Variants in CCDC30 observed in about 807,000 individuals in gnomAD.
CCDC30 encodes coiled-coil domain containing 30.
A neutral mutation model predicts 100.2 loss-of-function variants in CCDC30; 70 were observed. The ratio of observed to expected loss-of-function variants is 0.70; its 90% CI spans 0.58 to 0.85. The LOEUF is 0.85. Ranked by LOEUF, CCDC30 falls within the 40% of genes least tolerant of loss-of-function variation. CCDC30 has a pLI of 0.00. For missense variants in CCDC30, 652 were observed against 771.2 expected (o/e 0.85, Z 1.83); for synonymous variants, 233 against 269.5 (o/e 0.86, Z 1.33).
At chr1:42,457,079 T>C in the CCDC30 span, 1 of 1,590,572 alleles carries the variant, frequency 6.3e-7, no homozygotes, top group African/African-American at 1.3e-5. Flanking sequence ...GCTAGGTGCG[T>C]GCCCTAGGAG....
chr1:42,495,189 A>G (rs1450323335), intron 4 of CCDC30, among the ~76,000 whole-genome samples: 1 of 151,442 alleles, frequency 6.6e-6, no homozygotes, highest in Non-Finnish European at 1.5e-5. Context: ...AAAAATGATG[A>G]GTTCATGTCC....
In CCDC30 at chr1:42,545,425, C is replaced by A. The variant is rs373656178; in HGVS notation, c.457-20871C>A. 12 of 1,572,166 alleles carry A rather than the reference C, an allele frequency of 7.6e-6. No individual in the cohort carries two copies. The African/African-American group carries it at 1.3e-4, about 16-fold the overall frequency. On this transcript the variant is annotated intron_variant, in intron 6 of 16. Transcript: ENST00000668663. ...AATTTTGCAGGTCTTGAAGCTTTCACAAGAATTTGCACAATTAAATCATTT... is the reference window on the plus strand; with the variant it reads ...AATTTTGCAGGTCTTGAAGCTTTCAAAAGAATTTGCACAATTAAATCATTT...
intron 6 of CCDC30, among the ~76,000 whole-genome samples, chr1:42,503,597 T>C (rs1644352789): frequency 6.6e-6 from 1 of 152,260 alleles, no homozygotes; most frequent in Non-Finnish European, 1.5e-5. Context: ...AAGATGGAGC[T>C]GCCATTTTGA....
chr1:42,510,613 C>T (rs111624607), intron 6 of CCDC30, among the ~76,000 whole-genome samples: 2,185 of 150,960 alleles, frequency 0.014, 47 homozygotes, highest in African/African-American at 0.049. Context: ...GGTGAGATCG[C>T]GCCACTGCAC....
chr1:42,605,074 T>C (rs561979801), intron 10 of CCDC30, among the ~76,000 whole-genome samples: 99 of 152,304 alleles, frequency 6.5e-4, no homozygotes, highest in Admixed American at 2.2e-3. Context: ...TTTGATTGTA[T>C]CTCTGGCCCA....
intron 6 of CCDC30, among the ~76,000 whole-genome samples, chr1:42,504,640 G>A (rs1479116903): frequency 2.0e-5 from 3 of 152,200 alleles, no homozygotes; most frequent in Non-Finnish European, 2.9e-5. Context: ...AATAATGTTA[G>A]TATAAAAGGA....
chr1:42,500,265 C>G, intron 6 of CCDC30: 1 of 1,610,600 alleles, frequency 6.2e-7, no homozygotes, highest in African/African-American at 1.3e-5. Flanking sequence ...GTGGATTTTT[C>G]TCTTGCGTCT....
chr1:42,575,967 T>C (rs951283883), intron 7 of CCDC30, among the ~76,000 whole-genome samples: 5 of 152,092 alleles, frequency 3.3e-5, no homozygotes, highest in Non-Finnish European at 7.4e-5. Context: ...AAACTCTTAA[T>C]ACCAACCAGT....
rs113290218 is a variant in CCDC30, at chr1:42,506,342, T to C, written c.456+7426T>C. Among the ~76,000 whole-genome samples, 922 of 152,194 alleles carry C rather than the reference T, an allele frequency of 6.1e-3. 6 individuals are homozygous for C. The highest frequency in any genetic ancestry group is 0.021 in the African/African-American group (860 of 41,560). ...TTAGAAACCTGCATTTGAGAACACC[T>C]GTAAAAGTCCTATAGCTTGATTATA... On this transcript the variant is annotated intron_variant, in intron 6 of 16. Transcript: ENST00000668663.
intron 10 of CCDC30, among the ~76,000 whole-genome samples, chr1:42,609,461 T>TG (rs1488941857): frequency 2.6e-5 from 4 of 152,094 alleles, no homozygotes; most frequent in African/African-American, 7.2e-5. Flanking sequence ...TTCAACTGTG[T>TG]GGGGGGTCAG....
At chr1:42,459,663 G>A (rs766049388), upstream of CCDC30, 27 of 1,614,150 alleles carry the variant, frequency 1.7e-5, no homozygotes, top group Non-Finnish European at 2.3e-5. Context: ...GGCTCCCAAA[G>A]CATTTATAAT....
Position 42,596,864 on chromosome 1 carries a change from T to G in CCDC30, c.1164+7381T>G, listed in dbSNP as rs1327455973. 6.6e-6 allele frequency among the ~76,000 whole-genome samples: 1 copy of G among 152,128 alleles called. No individual in the cohort carries two copies. The highest frequency in any genetic ancestry group is 2.4e-5 in the African/African-American group (1 of 41,412). On this transcript the variant is annotated intron_variant, in intron 10 of 16. Transcript: ENST00000668663. This position sits in a 1 kb window ranked among gnomAD's most constrained non-coding sequence, Gnocchi z 4.3. ...TTGAAAATAACTGTGATTAATGTGC[T>G]AAGGGCTCTAAGGAATAAAGTAGAC...
At chr1:42,478,402 C>G (rs141744570) in intron 1 of CCDC30, among the ~76,000 whole-genome samples, 156 of 152,236 alleles carry the variant, frequency 1.0e-3, no homozygotes, top group African/African-American at 3.5e-3. Flanking sequence ...TTGGATGACT[C>G]TAATACCAAC....
At chr1:42,653,538 T>G in intron 16 of CCDC30, 95 bp downstream of exon 20, 1 of 820,282 alleles carries the variant, frequency 1.2e-6, no homozygotes, top group Non-Finnish European at 2.0e-6. Flanking sequence ...CCTGGATTGC[T>G]GGCTTGAGAA....
intron 6 of CCDC30, among the ~76,000 whole-genome samples, chr1:42,541,972 T>C (rs1268608408): frequency 6.6e-6 from 1 of 152,220 alleles, no homozygotes; most frequent in Non-Finnish European, 1.5e-5. Context: ...CCAGGGATAT[T>C]AGACTGCTGC....
chr1:42,496,014 C>T (rs908480978), intron 4 of CCDC30, among the ~76,000 whole-genome samples: 1 of 151,976 alleles, frequency 6.6e-6, no homozygotes, highest in African/African-American at 2.4e-5. Context: ...GACATGGAGC[C>T]AAGTGTGCAC....
Position 42,468,036 on chromosome 1 carries a change from T to C in CCDC30, c.-92+4138T>C, listed in dbSNP as rs1054318508. Among the ~76,000 whole-genome samples, 10 of 152,364 alleles carry C rather than the reference T, an allele frequency of 6.6e-5. No homozygotes were observed. The East Asian group carries it at 1.2e-3, about 18-fold the overall frequency. On this transcript the variant is annotated intron_variant, in intron 1 of 16. Coordinates refer to ENST00000668663, the Ensembl canonical transcript of CCDC30. Reference sequence around the variant, plus strand: ...CTCATGGGTCAGGAGAGACTGTTAATGGCTGTGTAGTTCTGTATCCAATTC... The same window carrying C: ...CTCATGGGTCAGGAGAGACTGTTAACGGCTGTGTAGTTCTGTATCCAATTC...
intron 6 of CCDC30, among the ~76,000 whole-genome samples, chr1:42,550,009 G>A (rs1256984845): frequency 1.3e-5 from 2 of 152,104 alleles, no homozygotes; most frequent in Non-Finnish European, 2.9e-5. Flanking sequence ...TTGACTTTCT[G>A]TCTCCTTCAC....
At chr1:42,586,385 C>T (rs1352161932) in intron 9 of CCDC30, among the ~76,000 whole-genome samples, 1 of 152,284 alleles carries the variant, frequency 6.6e-6, no homozygotes, top group South Asian at 2.1e-4. Flanking sequence ...TGACTCACTG[C>T]AGCCCTGAAC....
Sources: allele counts gnomAD v4.1 joint callset (sites outside exome capture counted in the v4.1 genomes callset), GRCh38; gene constraint gnomAD v4.1.1; non-coding constraint Gnocchi (gnomAD v3.1); transcripts MANE v1.5; gene names NCBI Gene and HGNC (gene_info 2026-07-23, HGNC 2026-07-21).